Variants in TECTB observed in about 807,000 individuals in gnomAD.
TECTB encodes tectorin beta, also known as beta-tectorin.
A neutral mutation model predicts 43.3 loss-of-function variants in TECTB; 45 were observed. The ratio of observed to expected loss-of-function variants is 1.04; its 90% confidence interval spans 0.82 to 1.33. The LOEUF is 1.33. Ranked by LOEUF, TECTB falls within the 40% of genes most tolerant of loss-of-function variation. TECTB has a pLI of 0.00. For missense variants in TECTB, 399 were observed against 404.7 expected (o/e 0.99, Z 0.12); for synonymous variants, 169 against 156.7 (o/e 1.08, Z -0.59).
At position 112,303,139 on chromosome 10, in the gene TECTB, A is replaced by C. The variant is rs1453434249; in HGVS notation, c.941-124A>C. On this transcript the variant is annotated intron_variant, in intron 10 of 10. Coordinates refer to ENST00000646139, the MANE Select transcript of TECTB (RefSeq NM_058222.3). ...CTACAGAATCCCCAAGGGATGAACA[A>C]AATCGACTTTGTCTAAAATGTGTGG... 4.2e-6 allele frequency: 5 copies of C among 1,194,714 alleles called. No homozygotes were observed. In the Admixed American group the frequency reaches 8.8e-5, roughly 21 times the overall value. The allele number at this position is 1,194,714 out of a possible 1,614,324, so 74.0% of individuals were successfully genotyped here. A position where few individuals can be genotyped will look rare whatever the true frequency, so the allele number is the denominator to read the frequency against.
At chr10:112,291,242 G>A (rs567035160) in intron 5 of TECTB, among the ~76,000 whole-genome samples, 5 of 151,884 alleles carry the variant, frequency 3.3e-5, no homozygotes, top group Non-Finnish European at 5.9e-5. Context: ...TTATAAGTGA[G>A]ACCATGCACT....
rs973267530 is a variant in TECTB, at chr10:112,303,332, C to T, written c.*20C>T. The T allele has an allele frequency of 1.5e-5, 24 of 1,613,882 alleles. No homozygotes were observed. Among genetic ancestry groups the T allele is most frequent in the African/African-American group, 8.0e-5 (6 of 74,910 alleles). ...TTATAGGAGTTAGCCAGGCAGCTGC[C>T]GCTCCTCCACCCACAATAGTCCTCA... is the stretch of plus-strand genomic sequence containing the variant. On this transcript the variant is annotated 3_prime_UTR_variant, in exon 11 of 11. Coordinates refer to ENST00000646139, the MANE Select transcript of TECTB (RefSeq NM_058222.3).
chr10:112,288,799 C>CTCTTT (rs757632406), intron 5 of TECTB, among the ~76,000 whole-genome samples: 1 of 152,206 alleles, frequency 6.6e-6, no homozygotes, highest in Non-Finnish European at 1.5e-5. Flanking sequence ...AGCAGGCTTC[C>CTCTTT]TCTTTTCTTT....
At chr10:112,301,234 C>T (rs1848609157) in intron 9 of TECTB, among the ~76,000 whole-genome samples, 1 of 152,068 alleles carries the variant, frequency 6.6e-6, no homozygotes, top group South Asian at 2.1e-4. Context: ...ACCAGCCTGG[C>T]CCTGTCCCTA....
At chr10:112,291,932 C>T (rs1236429652) in intron 5 of TECTB, among the ~76,000 whole-genome samples, 11 of 152,178 alleles carry the variant, frequency 7.2e-5, no homozygotes, top group East Asian at 1.9e-4. Context: ...GTCAGGAGAT[C>T]GAGACCATCC....
chr10:112,286,904 A>C (rs1848459588), intron 5 of TECTB, among the ~76,000 whole-genome samples: 1 of 152,180 alleles, frequency 6.6e-6, no homozygotes, highest in Non-Finnish European at 1.5e-5. Flanking sequence ...CCTGAGAAAC[A>C]AGAGTGAAAC....
chr10:112,285,646 C>T (rs1428172477), intron 3 of TECTB, among the ~76,000 whole-genome samples: 3 of 152,088 alleles, frequency 2.0e-5, no homozygotes, highest in African/African-American at 4.8e-5. Context: ...TCTCAGAAAT[C>T]GTGCTTATAG....
Position 112,283,639 on chromosome 10 carries a change from C to A in TECTB, c.-87-9C>A. The A allele has an allele frequency of 9.0e-7, 1 of 1,109,492 alleles. No individual in the cohort carries two copies. The highest frequency in any genetic ancestry group is 1.5e-5 in the South Asian group (1 of 67,406). 68.7% of individuals were successfully genotyped at this position (1,109,492 alleles called of 1,614,324 possible). On this transcript the variant is annotated splice_polypyrimidine_tract_variant and intron_variant, in intron 1 of 10. Transcript: ENST00000646139. The stretch of plus-strand genomic sequence containing the variant: ...TGATTTTAACTTTTCATTCATGTTT[C>A]TGACTTAGAATGATCGAGGCTCAGG...
intron 5 of TECTB, among the ~76,000 whole-genome samples, chr10:112,287,983 T>C (rs1848468601): frequency 6.6e-6 from 1 of 151,976 alleles, no homozygotes; most frequent in Non-Finnish European, 1.5e-5. Context: ...CCTTGACCTA[T>C]AATCGGGGGC....
intron 7 of TECTB, among the ~76,000 whole-genome samples, chr10:112,295,719 G>A (rs780297798): frequency 6.6e-6 from 1 of 152,246 alleles, no homozygotes; most frequent in Non-Finnish European, 1.5e-5. Flanking sequence ...ATTGCTATCA[G>A]GCACTGGGAA....
intron 5 of TECTB, among the ~76,000 whole-genome samples, chr10:112,292,793 A>C (rs957056255): frequency 1.4e-5 from 2 of 146,378 alleles, no homozygotes; most frequent in South Asian, 2.2e-4. Context: ...CCTCACCCCC[A>C]CCCCGCTCCC....
At chr10:112,286,036 C>G (rs1395124369) in intron 3 of TECTB, 35 bp from the exon 4 acceptor site, 3 of 1,611,524 alleles carry the variant, frequency 1.9e-6, no homozygotes, top group African/African-American at 2.7e-5. Flanking sequence ...CGCGGGGAAA[C>G]AGATTCATCC....
Position 112,303,603 on chromosome 10 carries a change from G to C in TECTB, c.*291G>C. The C allele has an allele frequency of 4.7e-6, 2 of 425,546 alleles. No homozygotes were observed. The highest frequency in any genetic ancestry group is 9.0e-5 in the South Asian group (2 of 22,106). The allele number at this position is 425,546 out of a possible 1,614,324, so 26.4% of individuals were successfully genotyped here. On this transcript the variant is annotated 3_prime_UTR_variant, in exon 11 of 11. Coordinates refer to ENST00000646139, the MANE Select transcript of TECTB (RefSeq NM_058222.3). ...AGTCAGGGCTGCAGTAAATTCCTTT[G>C]AAAGCTATTTTAACTTTAAAAGGTT...
intron 1 of TECTB, 28 bp downstream of exon 1, chr10:112,283,524 C>T (rs1007479383): frequency 1.6e-5 from 9 of 565,442 alleles, no homozygotes; most frequent in South Asian, 9.4e-5. Context: ...TGCCTCTCAG[C>T]GCTAACAGGA....
intron 10 of TECTB, 44 bp from the exon 11 acceptor site, chr10:112,303,219 A>G (rs1848627050): frequency 6.2e-7 from 1 of 1,612,086 alleles, no homozygotes; most frequent in Admixed American, 1.7e-5. Flanking sequence ...TTACCCTTGT[A>G]GAACTGTCTC....
At chr10:112,299,662 A>C (rs753368507) in intron 9 of TECTB, 98 bp downstream of exon 9, 3 of 1,373,164 alleles carry the variant, frequency 2.2e-6, no homozygotes, top group Non-Finnish European at 3.1e-6. Flanking sequence ...CTGAATTGCC[A>C]AACCAGTCGT....
Position 112,286,086 on chromosome 10 carries a change from T to C in TECTB, c.283T>C (p.Tyr95His). ...GTQSEYKPPI[Y>H]HFYSHIVSND... ...CTTTGTCCAGTACAAGCCACCTATCTATCACTTCTACAGTCACATCGTTTC... is the reference window on the plus strand; with the variant it reads ...CTTTGTCCAGTACAAGCCACCTATCCATCACTTCTACAGTCACATCGTTTC... Residue 95 changes from tyrosine (Y) to histidine (H), a missense_variant, in exon 4 of 11, where the codon TAT becomes CAT. Tyr to His is a moderately conservative substitution (Grantham distance 83). Coordinates refer to ENST00000646139, the MANE Select transcript of TECTB (RefSeq NM_058222.3). 3.7e-6 allele frequency: 6 copies of C among 1,614,128 alleles called. No individual in the cohort carries two copies. The highest frequency in any genetic ancestry group is 5.1e-6 in the Non-Finnish European group (6 of 1,179,980).
At chr10:112,286,454 TG>T in intron 5 of TECTB, 63 bp downstream of exon 5, 1 of 1,527,554 alleles carries the variant, frequency 6.5e-7, no homozygotes, top group Non-Finnish European at 8.9e-7. Flanking sequence ...GATGGTGGGA[TG>T]CTTCCTCGGG....
intron 9 of TECTB, among the ~76,000 whole-genome samples, chr10:112,301,504 A>G (rs79357420): frequency 0.034 from 5,240 of 152,268 alleles, 302 homozygotes; most frequent in African/African-American, 0.12. Flanking sequence ...GATATTGTCT[A>G]CAGCAGTGCA....
Sources: gnomAD v4.1 joint callset for allele counts (sites outside exome capture counted in the v4.1 genomes callset) on GRCh38, gnomAD v4.1.1 for gene constraint, MANE v1.5 for transcripts, NCBI Gene and HGNC (gene_info 2026-07-23, HGNC 2026-07-21) for gene names.